Variants in ITGA9 observed in about 807,000 individuals in gnomAD.
The protein encoded by ITGA9 is integrin alpha-9.
A neutral mutation model predicts 127.8 loss-of-function variants in ITGA9; 56 were observed. The ratio of observed to expected loss-of-function variants is 0.44; its 90% CI spans 0.35 to 0.55. ITGA9 has a LOEUF of 0.55. ITGA9 is among the 20% of genes least tolerant of loss of function. The pLI is 0.00. For missense variants in ITGA9, 1,196 were observed against 1,347.1 expected (o/e 0.89, Z 1.76); for synonymous variants, 508 against 514.5 (o/e 0.99, Z 0.17).
intron 16 of ITGA9, among the ~76,000 whole-genome samples, chr3:37,649,050 A>G (rs1475107222): frequency 1.3e-5 from 2 of 151,642 alleles, no homozygotes; most frequent in Non-Finnish European, 2.9e-5. Context: ...GCTCCTGGTA[A>G]CCACCAAGAA....
chr3:37,489,553 A>T (rs1276011918), intron 4 of ITGA9, among the ~76,000 whole-genome samples: 1 of 152,196 alleles, frequency 6.6e-6, no homozygotes, highest in Non-Finnish European at 1.5e-5. Flanking sequence ...CTTAGTCATC[A>T]GTTATTTTCA....
At chr3:37,520,894 A>G (rs942347483) in intron 11 of ITGA9, among the ~76,000 whole-genome samples, 4 of 152,206 alleles carry the variant, frequency 2.6e-5, no homozygotes, top group African/African-American at 9.6e-5. Context: ...AGCTAATCAC[A>G]CAGTGAGGCA....
chr3:37,663,364 A>C (rs1700555934), intron 17 of ITGA9, among the ~76,000 whole-genome samples: 1 of 152,236 alleles, frequency 6.6e-6, no homozygotes, highest in Admixed American at 6.5e-5. Context: ...ACTCCGATAA[A>C]ATAAGGACTT....
intron 26 of ITGA9, among the ~76,000 whole-genome samples, chr3:37,789,202 T>C (rs1232993271): frequency 6.6e-6 from 1 of 152,114 alleles, no homozygotes; most frequent in Non-Finnish European, 1.5e-5. Flanking sequence ...CTATCACATA[T>C]GAAGAATGAA....
chr3:37,537,983 C>A (rs1699226680), intron 14 of ITGA9, among the ~76,000 whole-genome samples: 1 of 152,204 alleles, frequency 6.6e-6, no homozygotes, highest in African/African-American at 2.4e-5. Flanking sequence ...CCAAGGGGAC[C>A]CTGCCCCTCA....
At chr3:37,682,170 C>T (rs1233347784) in intron 17 of ITGA9, among the ~76,000 whole-genome samples, 1 of 152,208 alleles carries the variant, frequency 6.6e-6, no homozygotes, top group Middle Eastern at 3.2e-3. Context: ...TTTCTCTGTT[C>T]TCCTTTAGAG....
chr3:37,631,677 A>C (rs1700231142), intron 16 of ITGA9, among the ~76,000 whole-genome samples: 1 of 152,208 alleles, frequency 6.6e-6, no homozygotes, highest in South Asian at 2.1e-4. Context: ...CTGCCTACCC[A>C]GGGAACAGAG....
chr3:37,622,965 C>T (rs2125632286), intron 15 of ITGA9, among the ~76,000 whole-genome samples: 1 of 152,144 alleles, frequency 6.6e-6, no homozygotes, highest in Non-Finnish European at 1.5e-5. Flanking sequence ...TTATACCTTG[C>T]ACTGTGTCCT....
At chr3:37,719,833 C>T (rs1701172532) in intron 18 of ITGA9, among the ~76,000 whole-genome samples, 1 of 152,148 alleles carries the variant, frequency 6.6e-6, no homozygotes, top group South Asian at 2.1e-4. Context: ...AATGCTTGTC[C>T]CAAAGTCTGC....
At chr3:37,762,001 A>G (rs567780858) in intron 23 of ITGA9, among the ~76,000 whole-genome samples, 5 of 152,412 alleles carry the variant, frequency 3.3e-5, no homozygotes, top group African/African-American at 1.2e-4. Context: ...AGAAATAACC[A>G]TTAAAATAGG....
At chr3:37,475,147 G>T (rs1559515317) in intron 3 of ITGA9, among the ~76,000 whole-genome samples, 1 of 152,210 alleles carries the variant, frequency 6.6e-6, no homozygotes, top group Admixed American at 6.5e-5. Flanking sequence ...AGGCATGGTG[G>T]CCTGACCCTG....
chr3:37,506,124 GA>G (rs1464989819), intron 7 of ITGA9, 39 bp downstream of exon 7: 5 of 1,407,100 alleles, frequency 3.6e-6, no homozygotes, highest in Admixed American at 1.8e-5. Context: ...GGGTCAGACA[GA>G]AGAGGGGAGC....
chr3:37,676,296 T>G (rs535155990), intron 17 of ITGA9, among the ~76,000 whole-genome samples: 2 of 152,354 alleles, frequency 1.3e-5, no homozygotes, highest in African/African-American at 4.8e-5. Flanking sequence ...AAAACTCATG[T>G]GTATGTTAAA....
intron 17 of ITGA9, among the ~76,000 whole-genome samples, chr3:37,657,608 CTT>C (rs926861438): frequency 7.5e-6 from 1 of 133,812 alleles, no homozygotes; most frequent in Non-Finnish European, 1.6e-5. Context: ...CTAGTGGTCT[CTT>C]TTGTTGATCT....
intron 15 of ITGA9, among the ~76,000 whole-genome samples, chr3:37,606,417 G>T (rs955889835): frequency 2.1e-4 from 32 of 152,116 alleles, no homozygotes; most frequent in Admixed American, 2.1e-3. Flanking sequence ...CAGGGTAGAA[G>T]AACTGATTTT....
At chr3:37,743,024 C>T (rs1443851288) in intron 21 of ITGA9, among the ~76,000 whole-genome samples, 1 of 152,190 alleles carries the variant, frequency 6.6e-6, no homozygotes, top group Non-Finnish European at 1.5e-5. Context: ...GACACTTGAT[C>T]ATGTAATCAG....
chr3:37,463,211 G>A (rs1698335107), intron 1 of ITGA9, among the ~76,000 whole-genome samples: 1 of 152,238 alleles, frequency 6.6e-6, no homozygotes, highest in African/African-American at 2.4e-5. Context: ...GTCAGAAGTG[G>A]CATGCCTTAG....
At chr3:37,748,414 C>T in intron 22 of ITGA9, 1 of 593,606 alleles carries the variant, frequency 1.7e-6, no homozygotes, top group Non-Finnish European at 3.2e-6. Context: ...CTCTAAGAGC[C>T]AAGATAGCTT....
At chr3:37,565,793 G>T (rs1249958051) in intron 15 of ITGA9, among the ~76,000 whole-genome samples, 1 of 152,180 alleles carries the variant, frequency 6.6e-6, no homozygotes, top group Non-Finnish European at 1.5e-5. Flanking sequence ...GTCTGCATTT[G>T]TAACATTCCC....
Sources: gnomAD v4.1 joint callset for allele counts (sites outside exome capture counted in the v4.1 genomes callset) on GRCh38, gnomAD v4.1.1 for gene constraint, MANE v1.5 for transcripts, NCBI Gene and HGNC (gene_info 2026-07-23, HGNC 2026-07-21) for gene names.